NSMAF: variants seen among roughly 807,000 people sequenced by gnomAD.
NSMAF encodes neutral sphingomyelinase activation associated factor, also known as protein FAN.
A neutral mutation model predicts 134.9 loss-of-function variants in NSMAF; 90 were observed. The ratio of observed to expected loss-of-function variants is 0.67; its 90% CI spans 0.56 to 0.79. The LOEUF (loss-of-function observed/expected upper bound fraction) is 0.79. Ranked by LOEUF, NSMAF falls within the 30% of genes least tolerant of loss-of-function variation. NSMAF has a pLI of 0.00. For missense variants in NSMAF, 1,010 were observed against 1,119.0 expected, an observed-to-expected ratio of 0.90 and a Z score of 1.39; for synonymous variants, 358 against 389.6, an observed-to-expected ratio of 0.92 and a Z score of 0.96.
At chr8:58,606,160 C>G in intron 11 of NSMAF, 125 bp from the exon 12 acceptor site, 1 of 807,188 alleles carries the variant, frequency 1.2e-6, no homozygotes, top group Non-Finnish European at 1.8e-6. Context: ...ACTTATATTC[C>G]TATTTTCAAT....
chr8:58,586,030 G>C lies in NSMAF; in HGVS notation c.2447-30C>G. The stretch of plus-strand genomic sequence containing the variant: ...AACACAAGGTGAGACTCAGATATGA[G>C]TGACAGCTTCAGAATGTGGTTTACA... On this transcript the variant is annotated intron_variant, in intron 28 of 30. Coordinates refer to ENST00000038176, the MANE Select transcript of NSMAF (RefSeq NM_003580.4). The C allele has an allele frequency of 2.0e-6, 3 of 1,511,330 alleles. No individual in the cohort carries two copies. The East Asian group carries it at 6.8e-5, about 34-fold the overall frequency. The allele number at this position is 1,511,330 out of a possible 1,614,324, so 93.6% of individuals were successfully genotyped here.
intron 22 of NSMAF, 179 bp from the exon 23 acceptor site, chr8:58,594,469 G>A (rs1163959489): frequency 1.2e-5 from 7 of 599,554 alleles, no homozygotes; most frequent in Admixed American, 2.9e-5. Flanking sequence ...ACCTTCTAAC[G>A]TTCTGGCAAC....
intron 1 of NSMAF, among the ~76,000 whole-genome samples, chr8:58,648,511 A>T (rs193155054): frequency 1.3e-5 from 2 of 152,344 alleles, no homozygotes; most frequent in African/African-American, 4.8e-5. Context: ...AATATCCAAA[A>T]CAATGGGGAA....
chr8:58,628,874 T>C (rs893513767), intron 6 of NSMAF, among the ~76,000 whole-genome samples: 7 of 152,224 alleles, frequency 4.6e-5, no homozygotes, highest in Non-Finnish European at 7.3e-5. Context: ...GAATTTATCA[T>C]CCAATTTTCT....
At chr8:58,637,506 G>A in intron 2 of NSMAF, 2 of 348,176 alleles carry the variant, frequency 5.7e-6, no homozygotes, top group Non-Finnish European at 1.2e-5. Context: ...AGAGCAATTT[G>A]GCAAGTAAAA....
Position 58,613,368 on chromosome 8 carries a change from T to C in NSMAF, c.558-3635A>G, listed in dbSNP as rs369299722. Reference sequence around the variant, plus strand: ...GAAATACATTGGAGTAAGGTTCTTGTATTGGTGTAAAGTAGCATGAAATGA... The same window carrying C: ...GAAATACATTGGAGTAAGGTTCTTGCATTGGTGTAAAGTAGCATGAAATGA... On this transcript the variant is annotated intron_variant, in intron 9 of 30. Transcript: ENST00000038176. 5.9e-5 allele frequency among the ~76,000 whole-genome samples: 9 copies of C among 152,246 alleles called. No individual in the cohort carries two copies. The East Asian group carries it at 1.7e-3, about 29-fold the overall frequency.
chr8:58,627,635 T>G (rs546916942), intron 6 of NSMAF, among the ~76,000 whole-genome samples: 25 of 152,240 alleles, frequency 1.6e-4, no homozygotes, highest in African/African-American at 6.0e-4. Flanking sequence ...TAAAATAAAA[T>G]ACTTATGGTT....
intron 27 of NSMAF, among the ~76,000 whole-genome samples, chr8:58,587,072 T>C (rs1053302440): frequency 6.6e-6 from 1 of 152,210 alleles, no homozygotes; most frequent in African/African-American, 2.4e-5. Flanking sequence ...CCATGGAAAT[T>C]AGGCATCAGT....
intron 7 of NSMAF, 71 bp from the exon 8 acceptor site, chr8:58,623,495 T>C: frequency 6.9e-7 from 1 of 1,444,146 alleles, no homozygotes; most frequent in Non-Finnish European, 9.7e-7. Context: ...TTAGAAGCAA[T>C]GAGAAACAGC....
rs959555558 is a variant in NSMAF, at chr8:58,599,740, G to C, written c.1453+10C>G. The C allele has an allele frequency of 1.2e-6, 2 of 1,613,028 alleles. No individual in the cohort carries two copies. Among genetic ancestry groups the C allele is most frequent in the Non-Finnish European group, 1.7e-6 (2 of 1,179,444 alleles). ...TGTCTATAATACAACACCTCCAAGG[G>C]GGGACTCACTGGAAGCCCAAGGGGG... On this transcript the variant is annotated intron_variant, in intron 18 of 30. Coordinates refer to ENST00000038176, the MANE Select transcript of NSMAF (RefSeq NM_003580.4).
intron 12 of NSMAF, among the ~76,000 whole-genome samples, chr8:58,605,496 A>G (rs921713466): frequency 6.6e-6 from 1 of 152,234 alleles, no homozygotes; most frequent in African/African-American, 2.4e-5. Context: ...ATATTTATCT[A>G]GAGTTTTTAA....
intron 1 of NSMAF, among the ~76,000 whole-genome samples, chr8:58,656,254 G>A (rs1252225063): frequency 6.6e-6 from 1 of 151,902 alleles, no homozygotes; most frequent in Non-Finnish European, 1.5e-5. Flanking sequence ...TGCCTGCCTT[G>A]GCCTCCCAAA....
intron 21 of NSMAF, 131 bp from the exon 22 acceptor site, chr8:58,595,790 T>C: frequency 1.6e-6 from 1 of 634,996 alleles, no homozygotes; most frequent in Non-Finnish European, 2.8e-6. Context: ...ATAACTGCTT[T>C]GAAATGTACC....
At chr8:58,649,678 T>C (rs1017613862) in intron 1 of NSMAF, among the ~76,000 whole-genome samples, 1 of 152,136 alleles carries the variant, frequency 6.6e-6, no homozygotes, top group East Asian at 1.9e-4. Flanking sequence ...TGAGATCCGG[T>C]TGTGGTTGTT....
chr8:58,637,447 G>T (rs910593493), intron 2 of NSMAF: 3 of 455,814 alleles, frequency 6.6e-6, no homozygotes, highest in African/African-American at 6.0e-5. Flanking sequence ...CAACACAAAG[G>T]TGCCCACTCT....
intron 20 of NSMAF, 91 bp downstream of exon 20, chr8:58,597,769 C>A: frequency 9.6e-7 from 1 of 1,044,270 alleles, no homozygotes. Context: ...TTAAAATTTC[C>A]ATACCTCAAC....
chr8:58,614,938 ATATT>A (rs999214722), intron 9 of NSMAF, among the ~76,000 whole-genome samples: 57 of 152,174 alleles, frequency 3.7e-4, no homozygotes, highest in African/African-American at 1.3e-3. Flanking sequence ...ACTCAACTAT[ATATT>A]TAAAGTATAT....
At chr8:58,619,713 A>G (rs954178680) in intron 9 of NSMAF, among the ~76,000 whole-genome samples, 2 of 152,180 alleles carry the variant, frequency 1.3e-5, no homozygotes, top group African/African-American at 4.8e-5. Flanking sequence ...AGTACTAGGA[A>G]TAAATAACAT....
chr8:58,600,905 GAAT>G (rs1392062103), intron 16 of NSMAF, among the ~76,000 whole-genome samples: 21 of 151,894 alleles, frequency 1.4e-4, no homozygotes, highest in Non-Finnish European at 1.9e-4. Flanking sequence ...AAATTATCAA[GAAT>G]AATAAAGTGT....
Sources: gnomAD v4.1 joint callset for allele counts (sites outside exome capture counted in the v4.1 genomes callset) on GRCh38, gnomAD v4.1.1 for gene constraint, MANE v1.5 for transcripts, NCBI Gene and HGNC (gene_info 2026-07-23, HGNC 2026-07-21) for gene names.